Variants in STK3 observed in about 807,000 individuals in gnomAD.
The protein encoded by STK3 is serine/threonine-protein kinase 3.
Under a neutral mutation model 58.0 loss-of-function variants are expected in STK3, and 41 were observed. That is an observed-to-expected ratio of 0.71 (90% CI 0.55 to 0.92). STK3 has a LOEUF of 0.92. Ranked by LOEUF, STK3 falls within the 40% of genes least tolerant of loss-of-function variation. The probability of loss-of-function intolerance (pLI) is 0.00; values close to 1 mark genes in which losing one functional copy is unlikely to be tolerated. For synonymous variants in STK3, 170 were observed against 191.0 expected, an observed-to-expected ratio of 0.89 and a Z score of 0.91; for missense variants, 479 against 602.7, an observed-to-expected ratio of 0.79 and a Z score of 2.15.
intron 3 of STK3, among the ~76,000 whole-genome samples, chr8:98,876,464 C>T (rs374813899): frequency 3.3e-5 from 5 of 152,132 alleles, no homozygotes; most frequent in African/African-American, 1.2e-4. Context: ...GCCCTAGAGT[C>T]AGATCTCTGT....
At chr8:98,511,177 TA>T (rs1824484773) in intron 10 of STK3, among the ~76,000 whole-genome samples, 1 of 152,024 alleles carries the variant, frequency 6.6e-6, no homozygotes, top group Non-Finnish European at 1.5e-5. Flanking sequence ...AAGTGGTTCT[TA>T]TTAAATAAAT....
intron 10 of STK3, among the ~76,000 whole-genome samples, chr8:98,478,376 C>G (rs544312881): frequency 1.3e-5 from 2 of 152,234 alleles, no homozygotes; most frequent in South Asian, 4.2e-4. Context: ...TTTCCCCTAC[C>G]TAAACTAAGC....
At chr8:98,713,586 G>A (rs1178434853) in intron 4 of STK3, among the ~76,000 whole-genome samples, 1 of 152,086 alleles carries the variant, frequency 6.6e-6, no homozygotes, top group Admixed American at 6.5e-5. Context: ...GGAAGAAGTT[G>A]AATCTCTGAA....
chr8:98,736,329 T>G (rs4549741), intron 4 of STK3, among the ~76,000 whole-genome samples: 45,836 of 152,000 alleles, frequency 0.3, 7,258 homozygotes, highest in Admixed American at 0.42. Flanking sequence ...CTAAAAGAAG[T>G]GCAGAGGATG....
chr8:98,853,257 A>T (rs1836545350), intron 3 of STK3, among the ~76,000 whole-genome samples: 1 of 152,092 alleles, frequency 6.6e-6, no homozygotes, highest in African/African-American at 2.4e-5. Context: ...TCATTACCTA[A>T]TATTGTCAGA....
At position 98,738,079 on chromosome 8, in the gene STK3, T is replaced by C. The variant is rs141230857; in HGVS notation, c.351+11197A>G. 6.6e-4 allele frequency among the ~76,000 whole-genome samples: 100 copies of C among 152,334 alleles called. 1 individual carries two copies. The East Asian group carries it at 0.018, about 27-fold the overall frequency. On this transcript the variant is annotated intron_variant, in intron 4 of 10. Coordinates refer to ENST00000419617, the MANE Select transcript of STK3 (RefSeq NM_006281.4). ...AGAAGAACTGAACACAAAGATATTC[T>C]ATGATCATGCATTGGAAAATATTAG...
chr8:98,693,631 A>G (rs1290695589), intron 6 of STK3, among the ~76,000 whole-genome samples: 1 of 152,204 alleles, frequency 6.6e-6, no homozygotes, highest in Non-Finnish European at 1.5e-5. Context: ...ATACTCCTCT[A>G]TGCCATTCAC....
chr8:98,470,807 C>G (rs934893844), intron 10 of STK3, among the ~76,000 whole-genome samples: 13 of 152,174 alleles, frequency 8.5e-5, no homozygotes, highest in African/African-American at 3.1e-4. Context: ...ACACTGTTTA[C>G]TGACTCTTAA....
downstream of STK3, among the ~76,000 whole-genome samples, chr8:98,397,269 G>T (rs7013308): frequency 0.69 from 104,499 of 152,138 alleles, 37,309 homozygotes; most frequent in Admixed American, 0.82. Context: ...TGGCTCATGC[G>T]TGTAATCCCA....
chr8:98,896,890 G>A (rs1838467390), intron 1 of STK3, among the ~76,000 whole-genome samples: 1 of 152,014 alleles, frequency 6.6e-6, no homozygotes, highest in Admixed American at 6.6e-5. Flanking sequence ...GAGGTGGGAG[G>A]ATAGCTTGAG....
chr8:98,683,640 A>G (rs746913839), intron 6 of STK3, among the ~76,000 whole-genome samples: 12 of 152,174 alleles, frequency 7.9e-5, no homozygotes, highest in Non-Finnish European at 1.6e-4. Context: ...AGATAAGGTG[A>G]TATGAGAATT....
At chr8:98,620,527 A>C (rs1238265308) in intron 6 of STK3, among the ~76,000 whole-genome samples, 2 of 150,614 alleles carry the variant, frequency 1.3e-5, no homozygotes, top group African/African-American at 2.4e-5. Context: ...AAAAAAAAAG[A>C]AGATGTCTCA....
chr8:98,835,945 A>G (rs1190421371), intron 3 of STK3, among the ~76,000 whole-genome samples: 1 of 152,236 alleles, frequency 6.6e-6, no homozygotes, highest in Non-Finnish European at 1.5e-5. Context: ...TCACGCCTGT[A>G]ACCCCAGCAC....
At chr8:98,364,446 A>G in the STK3 span, among the ~76,000 whole-genome samples, 1 of 152,166 alleles carries the variant, frequency 6.6e-6, no homozygotes, top group Non-Finnish European at 1.5e-5. Context: ...GAGGCCTGCC[A>G]GTCTGTTTCC....
chr8:98,677,359 A>AG (rs1823303149), intron 6 of STK3, among the ~76,000 whole-genome samples: 1 of 17,510 alleles, frequency 5.7e-5, no homozygotes, highest in African/African-American at 2.0e-4. Context: ...ACCGCCACCC[A>AG]ACTTACTCCT....
At chr8:98,589,699 A>C (rs999619184) in intron 7 of STK3, among the ~76,000 whole-genome samples, 1 of 152,166 alleles carries the variant, frequency 6.6e-6, no homozygotes, top group Non-Finnish European at 1.5e-5. Flanking sequence ...CCCCCAGCCT[A>C]GCTGCTGCCT....
chr8:98,625,537 C>G (rs189648752), intron 6 of STK3, among the ~76,000 whole-genome samples: 1 of 152,120 alleles, frequency 6.6e-6, no homozygotes, highest in African/African-American at 2.4e-5. Context: ...CTCCCTCCCA[C>G]CTATTAAAAC....
chr8:98,881,721 ACT>A (rs760655717), downstream of STK3: 2 of 152,106 alleles, frequency 1.3e-5, no homozygotes, highest in East Asian at 1.9e-4. Context: ...AAAATATCAA[ACT>A]CTGTAATTTT....
At chr8:98,863,525 AC>A (rs1837011412) in intron 3 of STK3, among the ~76,000 whole-genome samples, 1 of 152,022 alleles carries the variant, frequency 6.6e-6, no homozygotes, top group Non-Finnish European at 1.5e-5. Flanking sequence ...CACCACACAA[AC>A]TGTTTAGAGC....
Sources: gnomAD v4.1 joint callset for allele counts (sites outside exome capture counted in the v4.1 genomes callset) on GRCh38, gnomAD v4.1.1 for gene constraint, MANE v1.5 for transcripts, NCBI Gene and HGNC (gene_info 2026-07-23, HGNC 2026-07-21) for gene names.